The following GSK3B variants were observed in gnomAD, a reference collection of about 807,000 sequenced individuals.
GSK3B encodes the protein glycogen synthase kinase 3 beta, also known as glycogen synthase kinase-3 beta.
In GSK3B, 15 loss-of-function variants were observed where a neutral mutation model predicts 56.4. The observed-to-expected ratio is 0.27, with a 90% CI of 0.18 to 0.41. GSK3B has a LOEUF of 0.41. Ranked by LOEUF, GSK3B falls within the 10% of genes least tolerant of loss-of-function variation. The pLI is 1.00. For synonymous variants in GSK3B, 181 were observed against 188.9 expected, an observed-to-expected ratio of 0.96 and a Z score of 0.34; for missense variants, 300 against 513.4, an observed-to-expected ratio of 0.58 and a Z score of 4.02.
chr3:119,972,917 T>C (rs753992255), intron 2 of GSK3B, among the ~76,000 whole-genome samples: 16 of 152,168 alleles, frequency 1.1e-4, no homozygotes, highest in Admixed American at 2.6e-4. Context: ...TTACAATTGT[T>C]TGTCTAAATA....
intron 1 of GSK3B, among the ~76,000 whole-genome samples, chr3:120,071,494 G>A (rs1033200433): frequency 1.3e-5 from 2 of 152,148 alleles, no homozygotes; most frequent in African/African-American, 2.4e-5. Flanking sequence ...GAGCTCTGCC[G>A]CCTGTAAGAT....
At chr3:120,086,190 A>C (rs1004401909) in intron 1 of GSK3B, among the ~76,000 whole-genome samples, 1 of 151,886 alleles carries the variant, frequency 6.6e-6, no homozygotes, top group Non-Finnish European at 1.5e-5. Flanking sequence ...ATATATACTA[A>C]GGAGGAAAAA....
chr3:119,850,175 G>C (rs1321135223), intron 9 of GSK3B, among the ~76,000 whole-genome samples: 2 of 152,104 alleles, frequency 1.3e-5, no homozygotes, highest in Non-Finnish European at 1.5e-5. Flanking sequence ...AAATAGAAAA[G>C]ATTTGGGATC....
At chr3:119,925,483 C>G (rs987020724) in intron 3 of GSK3B, among the ~76,000 whole-genome samples, 1 of 152,194 alleles carries the variant, frequency 6.6e-6, no homozygotes, top group Non-Finnish European at 1.5e-5. Flanking sequence ...AAGCACTAAC[C>G]TACCAGCATC....
chr3:120,071,994 G>A (rs1035904872), intron 1 of GSK3B, among the ~76,000 whole-genome samples: 4 of 152,160 alleles, frequency 2.6e-5, no homozygotes, highest in African/African-American at 7.2e-5. Context: ...GAATAGAAAG[G>A]AAAGGGAGAG....
intron 2 of GSK3B, among the ~76,000 whole-genome samples, chr3:119,982,199 C>T (rs1559863013): frequency 6.6e-6 from 1 of 152,144 alleles, no homozygotes; most frequent in Non-Finnish European, 1.5e-5. Context: ...CACCAAAACC[C>T]CATCTGTAGG....
At chr3:120,015,866 A>C (rs958029889) in intron 1 of GSK3B, among the ~76,000 whole-genome samples, 7 of 152,136 alleles carry the variant, frequency 4.6e-5, no homozygotes, top group African/African-American at 1.4e-4. Context: ...GCCATTGGTC[A>C]GATATAAATT....
chr3:119,997,155 A>T (rs1213042852), intron 2 of GSK3B, among the ~76,000 whole-genome samples: 4 of 152,214 alleles, frequency 2.6e-5, no homozygotes, highest in African/African-American at 9.6e-5. Context: ...TATAATGAAC[A>T]TGTAATAATA....
intron 2 of GSK3B, among the ~76,000 whole-genome samples, chr3:119,978,724 T>C (rs916073343): frequency 2.0e-5 from 3 of 152,092 alleles, no homozygotes; most frequent in African/African-American, 7.2e-5. Flanking sequence ...AGGAGGCCCT[T>C]TGCCAAATCC....
intron 2 of GSK3B, among the ~76,000 whole-genome samples, chr3:119,983,162 CTT>C (rs2057480993): frequency 2.0e-5 from 3 of 152,070 alleles, no homozygotes; most frequent in Admixed American, 1.3e-4. Context: ...TGCTGAGAGA[CTT>C]TGTCACCACC....
At chr3:119,892,887 T>C (rs1358812270) in intron 7 of GSK3B, among the ~76,000 whole-genome samples, 2 of 152,154 alleles carry the variant, frequency 1.3e-5, no homozygotes, top group African/African-American at 4.8e-5. Context: ...TTTTTCTAAA[T>C]AGAAAACATG....
intron 1 of GSK3B, among the ~76,000 whole-genome samples, chr3:120,012,276 G>T (rs1041798692): frequency 6.6e-6 from 1 of 152,162 alleles, no homozygotes; most frequent in Non-Finnish European, 1.5e-5. Flanking sequence ...CTGCTTCCAA[G>T]AGACCAAAAT....
chr3:120,045,324 C>CA (rs1476478388), intron 1 of GSK3B, among the ~76,000 whole-genome samples: 3 of 152,178 alleles, frequency 2.0e-5, no homozygotes, highest in Non-Finnish European at 4.4e-5. Context: ...TCTTGTCCTC[C>CA]ATGCCTCCTT....
chr3:120,075,430 A>G (rs2058360197), intron 1 of GSK3B, among the ~76,000 whole-genome samples: 1 of 152,188 alleles, frequency 6.6e-6, no homozygotes, highest in Non-Finnish European at 1.5e-5. Flanking sequence ...AAAAAAGTTA[A>G]CCAAATCAGA....
At chr3:119,915,339 CA>C (rs1371760392) in intron 5 of GSK3B, among the ~76,000 whole-genome samples, 1 of 151,880 alleles carries the variant, frequency 6.6e-6, no homozygotes, top group Non-Finnish European at 1.5e-5. Context: ...GTATAATAAT[CA>C]ATATTTTGAA....
chr3:120,055,087 GC>G (rs2058181832), intron 1 of GSK3B, among the ~76,000 whole-genome samples: 1 of 151,746 alleles, frequency 6.6e-6, no homozygotes. Flanking sequence ...ACGATATCTT[GC>G]CTAGGCCCTC....
At chr3:120,084,831 T>G (rs904940276) in intron 1 of GSK3B, among the ~76,000 whole-genome samples, 3 of 152,240 alleles carry the variant, frequency 2.0e-5, no homozygotes, top group African/African-American at 7.2e-5. Flanking sequence ...CTAACTTATA[T>G]TTAGAGAAAT....
At chr3:119,956,259 G>A (rs569365497) in intron 2 of GSK3B, among the ~76,000 whole-genome samples, 37 of 152,302 alleles carry the variant, frequency 2.4e-4, no homozygotes, top group Middle Eastern at 3.4e-3. Flanking sequence ...ATTTTGAAAC[G>A]ACTCAGGGAC....
chr3:120,016,632 A>G (rs1283903452), intron 1 of GSK3B, among the ~76,000 whole-genome samples: 2 of 152,214 alleles, frequency 1.3e-5, no homozygotes, highest in African/African-American at 2.4e-5. Context: ...GCTGAGGCCA[A>G]TATCTATTAG....
Sources: gnomAD v4.1 joint callset for allele counts (sites outside exome capture counted in the v4.1 genomes callset) on GRCh38, gnomAD v4.1.1 for gene constraint, MANE v1.5 for transcripts, NCBI Gene and HGNC (gene_info 2026-07-23, HGNC 2026-07-21) for gene names.